ATXN7L1: variants seen among roughly 807,000 people sequenced by gnomAD.
ATXN7L1 encodes the protein ataxin 7 like 1.
Under a neutral mutation model 70.8 loss-of-function variants are expected in ATXN7L1, and 15 were observed. The observed-to-expected ratio is 0.21, with a 90% confidence interval of 0.14 to 0.33. The LOEUF is 0.33. ATXN7L1 is among the 10% of genes least tolerant of loss of function. ATXN7L1 has a pLI of 1.00. For synonymous variants in ATXN7L1, 440 were observed against 445.1 expected (o/e 0.99, Z 0.14); for missense variants, 975 against 1,097.1 (o/e 0.89, Z 1.57).
At chr7:105,873,411 C>A (rs1172922467) in intron 2 of ATXN7L1, among the ~76,000 whole-genome samples, 1 of 152,194 alleles carries the variant, frequency 6.6e-6, no homozygotes, top group African/African-American at 2.4e-5. Flanking sequence ...GTATCCGTCC[C>A]AGGACTTTGT....
intron 2 of ATXN7L1, among the ~76,000 whole-genome samples, chr7:105,853,479 G>C (rs1002655689): frequency 6.6e-6 from 1 of 152,120 alleles, no homozygotes. Context: ...ACTTGAACCC[G>C]GGAGGCGGAG....
chr7:105,815,782 T>A (rs1350260884), intron 2 of ATXN7L1, among the ~76,000 whole-genome samples: 9 of 152,196 alleles, frequency 5.9e-5, no homozygotes, highest in Non-Finnish European at 1.2e-4. Flanking sequence ...GCTCGGCAGC[T>A]TGCCTAGGGA....
intron 3 of ATXN7L1, among the ~76,000 whole-genome samples, chr7:105,684,662 T>C (rs1418382296): frequency 6.6e-6 from 1 of 152,218 alleles, no homozygotes; most frequent in East Asian, 1.9e-4. Context: ...TTCATTAACA[T>C]AATCTGCTCT....
rs1792774695 is a variant in ATXN7L1, at chr7:105,606,602, CCAGTGTGAATAGTTCTATGGCTG to C, written c.*1227_*1249del. ...TGGTATTGCTGTTTCTTTTAAAACT[CCAGTGTGAATAGTTCTATGGCTG>C]CAGGGCTCCAGCGTGGCTCTTCCAA... On this transcript the variant is annotated 3_prime_UTR_variant, in exon 12 of 12. Coordinates refer to ENST00000419735, the MANE Select transcript of ATXN7L1 (RefSeq NM_020725.2). 6.6e-6 allele frequency: 1 copy of C among 152,152 alleles called. No individual in the cohort carries two copies. 9.4% of individuals were successfully genotyped at this position (152,152 alleles called of 1,614,324 possible).
intron 2 of ATXN7L1, among the ~76,000 whole-genome samples, chr7:105,864,405 CT>C: frequency 7.8e-6 from 1 of 127,788 alleles, no homozygotes; most frequent in African/African-American, 3.0e-5. Flanking sequence ...CTGCAGTGAG[CT>C]TGATCATGCC....
At chr7:105,701,812 C>T (rs1479987961) in intron 3 of ATXN7L1, among the ~76,000 whole-genome samples, 2 of 152,172 alleles carry the variant, frequency 1.3e-5, no homozygotes, top group African/African-American at 4.8e-5. Context: ...TCAAGTGATC[C>T]TCCTGCCTCA....
intron 9 of ATXN7L1, among the ~76,000 whole-genome samples, chr7:105,616,566 C>T (rs537702858): frequency 6.6e-6 from 1 of 152,340 alleles, no homozygotes; most frequent in South Asian, 2.1e-4. Flanking sequence ...AAGCACTCAG[C>T]AAGGTGCCCC....
chr7:105,693,322 G>T (rs181615107), intron 3 of ATXN7L1, among the ~76,000 whole-genome samples: 469 of 152,202 alleles, frequency 3.1e-3, no homozygotes, highest in African/African-American at 0.011. Context: ...CTCCCAAGTA[G>T]CTGGGACTAT....
chr7:105,764,297 T>TAA (rs773634140), intron 3 of ATXN7L1, among the ~76,000 whole-genome samples: 38 of 143,894 alleles, frequency 2.6e-4, no homozygotes, highest in Admixed American at 3.4e-4. Context: ...TGGCAAAGCT[T>TAA]AAAGAAAAAA....
At chr7:105,654,860 C>G (rs1032924792) in intron 4 of ATXN7L1, among the ~76,000 whole-genome samples, 1 of 151,878 alleles carries the variant, frequency 6.6e-6, no homozygotes, top group African/African-American at 2.4e-5. Context: ...TGTGCCTCAG[C>G]CTCCCAAATA....
chr7:105,831,799 C>T (rs1175103174), intron 2 of ATXN7L1, among the ~76,000 whole-genome samples: 1 of 151,962 alleles, frequency 6.6e-6, no homozygotes, highest in Non-Finnish European at 1.5e-5. Context: ...GATTTTAGCC[C>T]CCAAAGCCCA....
chr7:105,799,061 G>A (rs1293357043), intron 2 of ATXN7L1, among the ~76,000 whole-genome samples: 2 of 152,258 alleles, frequency 1.3e-5, no homozygotes, highest in Non-Finnish European at 2.9e-5. Context: ...ACCACAGACA[G>A]AGATGCACCA....
intron 8 of ATXN7L1, among the ~76,000 whole-genome samples, chr7:105,622,756 C>T (rs78351186): frequency 0.026 from 3,954 of 152,284 alleles, 72 homozygotes; most frequent in South Asian, 0.043. Context: ...CTGGGGTTTT[C>T]ATAGGAAGAT....
At chr7:105,637,367 C>T (rs1353021556) in intron 7 of ATXN7L1, among the ~76,000 whole-genome samples, 1 of 152,196 alleles carries the variant, frequency 6.6e-6, no homozygotes, top group Non-Finnish European at 1.5e-5. Context: ...ATTTGCTACC[C>T]GTTGAGATTC....
intron 5 of ATXN7L1, among the ~76,000 whole-genome samples, chr7:105,641,233 T>TTTTA (rs1798184869): frequency 7.5e-6 from 1 of 132,936 alleles, no homozygotes; most frequent in African/African-American, 2.9e-5. Flanking sequence ...TTTTTTTTTT[T>TTTTA]TTTTTTTTTT....
intron 3 of ATXN7L1, chr7:105,760,443 T>G: frequency 1.0e-6 from 1 of 985,666 alleles, no homozygotes; most frequent in Non-Finnish European, 1.2e-6. Flanking sequence ...TGAATTCAGG[T>G]TTTCATCCCA....
intron 3 of ATXN7L1, among the ~76,000 whole-genome samples, chr7:105,713,665 T>C (rs933054579): frequency 6.6e-6 from 1 of 152,236 alleles, no homozygotes; most frequent in African/African-American, 2.4e-5. Flanking sequence ...AGGTTAGGAC[T>C]CCGCAGGTTG....
At chr7:105,643,868 G>A (rs1798614384) in intron 4 of ATXN7L1, among the ~76,000 whole-genome samples, 1 of 152,238 alleles carries the variant, frequency 6.6e-6, no homozygotes, top group Non-Finnish European at 1.5e-5. Flanking sequence ...CCCCTTCCCT[G>A]CTATTTCTCC....
At chr7:105,719,625 T>G (rs1463150708) in intron 3 of ATXN7L1, among the ~76,000 whole-genome samples, 1 of 152,158 alleles carries the variant, frequency 6.6e-6, no homozygotes, top group Non-Finnish European at 1.5e-5. Flanking sequence ...CTCTTGGCCT[T>G]CTCAGAGAAG....
Sources: allele counts gnomAD v4.1 joint callset (sites outside exome capture counted in the v4.1 genomes callset), GRCh38; gene constraint gnomAD v4.1.1; transcripts MANE v1.5; gene names NCBI Gene and HGNC (gene_info 2026-07-23, HGNC 2026-07-21).